The following TTC28 variants were observed in gnomAD, a reference collection of about 807,000 sequenced individuals.
The protein encoded by TTC28 is tetratricopeptide repeat protein 28.
In TTC28, 61 loss-of-function variants were observed where a neutral mutation model predicts 198.0. The observed-to-expected ratio is 0.31, with a 90% CI of 0.25 to 0.38. The LOEUF is 0.38. Ranked by LOEUF, TTC28 falls within the 10% of genes least tolerant of loss-of-function variation. The pLI is 1.00. For missense variants in TTC28, 2,678 were observed against 3,164.0 expected, an observed-to-expected ratio of 0.85 and a Z score of 3.69; for synonymous variants, 1,171 against 1,297.8, an observed-to-expected ratio of 0.90 and a Z score of 2.10.
chr22:28,267,996 T>C (rs1931795287), intron 5 of TTC28, among the ~76,000 whole-genome samples: 1 of 152,172 alleles, frequency 6.6e-6, no homozygotes, highest in South Asian at 2.1e-4. Flanking sequence ...ACCTAAAGGG[T>C]ATGTCAACGC....
intron 12 of TTC28, among the ~76,000 whole-genome samples, chr22:28,058,693 G>GT (rs1326089093): frequency 6.6e-6 from 1 of 151,834 alleles, no homozygotes; most frequent in Non-Finnish European, 1.5e-5. Context: ...AAATTGTAGG[G>GT]TTTTTTCTTA....
chr22:28,164,878 C>A (rs1196490778), intron 5 of TTC28, among the ~76,000 whole-genome samples: 1 of 152,064 alleles, frequency 6.6e-6, no homozygotes, highest in Non-Finnish European at 1.5e-5. Flanking sequence ...TCAAACTACT[C>A]TGAGCTAAAG....
chr22:28,118,321 C>G (rs1942692048), intron 6 of TTC28, among the ~76,000 whole-genome samples: 3 of 152,152 alleles, frequency 2.0e-5, no homozygotes, highest in Admixed American at 1.3e-4. Flanking sequence ...ATCACTTGAA[C>G]CCAGGAGGCG....
At chr22:28,032,168 GTA>G (rs375645095) in intron 12 of TTC28, among the ~76,000 whole-genome samples, 2,873 of 90,774 alleles carry the variant, frequency 0.032, 94 homozygotes, top group Middle Eastern at 0.049. Flanking sequence ...CTTAGTGTGT[GTA>G]TATATATATA....
At chr22:28,101,369 G>C in intron 8 of TTC28, 89 bp from the exon 9 acceptor site, 2 of 1,113,294 alleles carry the variant, frequency 1.8e-6, no homozygotes, top group Middle Eastern at 4.1e-4. Context: ...TTACTTTTGT[G>C]TTTTTGTTTG....
At chr22:28,599,284 T>C (rs2050598581) in intron 2 of TTC28, among the ~76,000 whole-genome samples, 1 of 152,272 alleles carries the variant, frequency 6.6e-6, no homozygotes, top group Non-Finnish European at 1.5e-5. Context: ...GACGGTTTTA[T>C]TATTATCAGT....
At chr22:28,192,008 C>T (rs1432537470) in intron 5 of TTC28, among the ~76,000 whole-genome samples, 2 of 152,212 alleles carry the variant, frequency 1.3e-5, no homozygotes, top group Non-Finnish European at 2.9e-5. Flanking sequence ...GGGTCCCTGA[C>T]CGCCGAGTAG....
chr22:28,609,535 C>T (rs2050785247), intron 2 of TTC28, among the ~76,000 whole-genome samples: 2 of 152,204 alleles, frequency 1.3e-5, no homozygotes, highest in Non-Finnish European at 2.9e-5. Flanking sequence ...GAACAGTGGA[C>T]TCCGGCCCAG....
intron 2 of TTC28, among the ~76,000 whole-genome samples, chr22:28,571,675 C>T (rs139834871): frequency 3.9e-5 from 6 of 152,210 alleles, no homozygotes; most frequent in Admixed American, 2.0e-4. Flanking sequence ...AGGCTGGGCA[C>T]GGTGGTTCAT....
intron 5 of TTC28, among the ~76,000 whole-genome samples, chr22:28,172,548 C>G (rs186797029): frequency 6.6e-6 from 1 of 152,290 alleles, no homozygotes; most frequent in East Asian, 1.9e-4. Context: ...TCTCTAAATG[C>G]CAGGGAGACA....
chr22:28,437,758 A>G (rs1288681508), intron 2 of TTC28, among the ~76,000 whole-genome samples: 1 of 151,998 alleles, frequency 6.6e-6, no homozygotes, highest in Non-Finnish European at 1.5e-5. Flanking sequence ...GCACCTGGCT[A>G]ATTTTTGTTT....
intron 2 of TTC28, among the ~76,000 whole-genome samples, chr22:28,553,191 C>T (rs1381918960): frequency 6.6e-6 from 1 of 152,150 alleles, no homozygotes; most frequent in East Asian, 1.9e-4. Flanking sequence ...AAGATTGCAG[C>T]CTCTGCCCGG....
At chr22:28,296,673 C>T (rs2044902647) in intron 4 of TTC28, among the ~76,000 whole-genome samples, 1 of 152,174 alleles carries the variant, frequency 6.6e-6, no homozygotes, top group South Asian at 2.1e-4. Context: ...CAACCATCAG[C>T]TTGTTGGTTC....
intron 5 of TTC28, among the ~76,000 whole-genome samples, chr22:28,224,543 T>C (rs1042319283): frequency 6.6e-6 from 1 of 152,140 alleles, no homozygotes; most frequent in African/African-American, 2.4e-5. Flanking sequence ...CTAGAAAGTT[T>C]CTGCTAAAAA....
chr22:28,030,975 T>A (rs1939051530), intron 12 of TTC28, among the ~76,000 whole-genome samples: 1 of 152,234 alleles, frequency 6.6e-6, no homozygotes, highest in African/African-American at 2.4e-5. Flanking sequence ...TTGGCCCATT[T>A]TCCAAGCTCA....
intron 12 of TTC28, among the ~76,000 whole-genome samples, chr22:28,088,072 A>C (rs900036294): frequency 1.3e-5 from 2 of 152,192 alleles, no homozygotes; most frequent in African/African-American, 4.8e-5. Context: ...ATTATTGTGA[A>C]AATGGCCATA....
intron 5 of TTC28, among the ~76,000 whole-genome samples, chr22:28,164,844 T>C (rs1601412415): frequency 2.0e-5 from 3 of 151,682 alleles, no homozygotes; most frequent in Admixed American, 1.3e-4. Context: ...CAATGACGAG[T>C]TGAGAGAAGA....
At chr22:28,607,618 G>GTTAA (rs2050754713) in intron 2 of TTC28, among the ~76,000 whole-genome samples, 1 of 152,094 alleles carries the variant, frequency 6.6e-6, no homozygotes, top group Non-Finnish European at 1.5e-5. Flanking sequence ...ATGCACAGAT[G>GTTAA]TTAAGACTTT....
At chr22:28,561,718 A>C (rs2049884614) in intron 2 of TTC28, among the ~76,000 whole-genome samples, 1 of 152,154 alleles carries the variant, frequency 6.6e-6, no homozygotes, top group African/African-American at 2.4e-5. Context: ...CTCAATGCTA[A>C]GCCTGGAACA....
Sources: gnomAD v4.1 joint callset for allele counts (sites outside exome capture counted in the v4.1 genomes callset) on GRCh38, gnomAD v4.1.1 for gene constraint, MANE v1.5 for transcripts, NCBI Gene and HGNC (gene_info 2026-07-23, HGNC 2026-07-21) for gene names.